SLC30A9: variants seen among roughly 807,000 people sequenced by gnomAD.
SLC30A9 encodes the protein proton-coupled zinc antiporter SLC30A9, mitochondrial.
In SLC30A9, 58 loss-of-function variants were observed where a neutral mutation model predicts 87.5. The observed-to-expected ratio is 0.66, with a 90% CI of 0.54 to 0.82. The LOEUF (loss-of-function observed/expected upper bound fraction) is 0.82, where lower values mean the gene tolerates loss of function less well. Ranked by LOEUF, SLC30A9 falls within the 40% of genes least tolerant of loss-of-function variation. SLC30A9 has a pLI of 0.00. For missense variants in SLC30A9, 557 were observed against 679.1 expected (o/e 0.82, Z 2.00); for synonymous variants, 234 against 233.0 (o/e 1.00, Z -0.04).
intron 7 of SLC30A9, among the ~76,000 whole-genome samples, chr4:42,035,611 C>T (rs1458146856): frequency 1.3e-5 from 2 of 151,852 alleles, no homozygotes; most frequent in Non-Finnish European, 2.9e-5. Context: ...AATTCTCCTG[C>T]CTCAGCCTCC....
intron 9 of SLC30A9, among the ~76,000 whole-genome samples, chr4:42,057,847 T>C (rs890475302): frequency 2.0e-5 from 3 of 152,208 alleles, no homozygotes; most frequent in Non-Finnish European, 4.4e-5. Flanking sequence ...CTCATGCCTG[T>C]AATCCCAGCA....
At position 41,994,630 on chromosome 4, in the gene SLC30A9, G is replaced by A. The variant is rs1714611951; in HGVS notation, c.109+3870G>A. Among the ~76,000 whole-genome samples, 3 of 151,658 alleles carry A rather than the reference G, an allele frequency of 2.0e-5. No homozygotes were observed. The South Asian group carries it at 6.2e-4, about 32-fold the overall frequency. On this transcript the variant is annotated intron_variant, in intron 1 of 17. Coordinates refer to ENST00000264451, the MANE Select transcript of SLC30A9 (RefSeq NM_006345.4). ...GAGAATTTAACTTTTATCCCCAGCA[G>A]AGGTCCCTCCTCCTCCTCAACCTCT...
Position 42,065,799 on chromosome 4 carries a change from C to T in SLC30A9, c.1072+450C>T, listed in dbSNP as rs138241752. ...TGATTGAACCCACCACCACTACTAT[C>T]GCTGTTACTTGCCGATTCACTAAAA... On this transcript the variant is annotated intron_variant, in intron 12 of 17. Transcript: ENST00000264451. Among the ~76,000 whole-genome samples, 495 of 152,304 alleles carry T rather than the reference C, an allele frequency of 3.3e-3. 2 individuals carry two copies. The highest frequency in any genetic ancestry group is 0.011 in the African/African-American group (471 of 41,556).
At chr4:42,019,001 A>G (rs1715830632) in intron 3 of SLC30A9, among the ~76,000 whole-genome samples, 1 of 80,536 alleles carries the variant, frequency 1.2e-5, no homozygotes. Context: ...AAAAATCTGT[A>G]TTTCCTTATA....
chr4:42,067,122 A>T lies in SLC30A9; in HGVS notation c.1182A>T (p.Leu394Phe), dbSNP rs774944123. The T allele has an allele frequency of 1.2e-6, 2 of 1,612,610 alleles. No homozygotes were observed. Among genetic ancestry groups the T allele is most frequent in the Non-Finnish European group, 8.5e-7 (1 of 1,178,858 alleles). The stretch of plus-strand genomic sequence containing the variant: ...GTGATCCTAGTACAAATGTGATATT[A>T]TTGGAGGATACTGCTGCAGTCTTGG... ...ESRDPSTNVI[L>F]LEDTAAVLGV... Residue 394 changes from leucine to phenylalanine, a missense_variant, in exon 14 of 18, where the codon TTA becomes TTT. Physicochemically the swap from Leu to Phe is conservative, Grantham distance 22. Transcript: ENST00000264451.
At chr4:41,998,035 G>T (rs1714800009) in intron 1 of SLC30A9, among the ~76,000 whole-genome samples, 1 of 151,604 alleles carries the variant, frequency 6.6e-6, no homozygotes, top group South Asian at 2.1e-4. Context: ...TTGTCAGTTT[G>T]TGTGAGAGAA....
chr4:42,041,195 T>C (rs1041361240), intron 8 of SLC30A9, among the ~76,000 whole-genome samples: 3 of 151,830 alleles, frequency 2.0e-5, no homozygotes, highest in Non-Finnish European at 4.4e-5. Context: ...TCCCAAAACA[T>C]GTGGGAATTA....
rs544066023 is a variant in SLC30A9 at position 42,034,477 on chromosome 4, A to G, written c.611-798A>G. Among the ~76,000 whole-genome samples the G allele has an allele frequency of 1.9e-4, 29 of 148,800 alleles. 1 individual carries two copies. In the South Asian group the frequency reaches 6.1e-3, roughly 31 times the overall value. Reference sequence around the variant, plus strand: ...AACCACCATTCTGCTTTTTGTTTCTATTAATTTGAATACTTTAGATACCTC... The same window carrying G: ...AACCACCATTCTGCTTTTTGTTTCTGTTAATTTGAATACTTTAGATACCTC... On this transcript the variant is annotated intron_variant, in intron 6 of 17. Transcript: ENST00000264451.
At chr4:42,018,333 T>G (rs1715806287) in intron 3 of SLC30A9, 163 bp downstream of exon 3, 1 of 873,394 alleles carries the variant, frequency 1.1e-6, no homozygotes, top group Non-Finnish European at 1.7e-6. Context: ...CTCTTACATA[T>G]AAACTAATTT....
intron 14 of SLC30A9, 28 bp downstream of exon 14, chr4:42,067,220 T>G: frequency 7.7e-7 from 1 of 1,298,078 alleles, no homozygotes; most frequent in South Asian, 1.2e-5. Context: ...TACAGGTGAT[T>G]TATTTGTCCT....
intron 11 of SLC30A9, among the ~76,000 whole-genome samples, chr4:42,063,910 T>C (rs2153139996): frequency 6.6e-6 from 1 of 152,302 alleles, no homozygotes; most frequent in South Asian, 2.1e-4. Flanking sequence ...AGAATGCCCT[T>C]TGAGCAGCTG....
chr4:42,042,976 G>A (rs981626339), intron 8 of SLC30A9, among the ~76,000 whole-genome samples: 2 of 152,194 alleles, frequency 1.3e-5, no homozygotes, highest in Admixed American at 6.5e-5. Flanking sequence ...CAGACCTGCA[G>A]CAGAGAGGCC....
intron 15 of SLC30A9, among the ~76,000 whole-genome samples, chr4:42,071,781 T>C (rs1718319615): frequency 6.6e-6 from 1 of 152,190 alleles, no homozygotes; most frequent in Non-Finnish European, 1.5e-5. Flanking sequence ...TTTGTGATGT[T>C]TTTGTCTGGT....
At chr4:42,061,164 T>A (rs976587760) in intron 10 of SLC30A9, among the ~76,000 whole-genome samples, 1 of 152,182 alleles carries the variant, frequency 6.6e-6, no homozygotes, top group Non-Finnish European at 1.5e-5. Flanking sequence ...ATAGTCTACT[T>A]TAGTGCTGCC....
In SLC30A9 at chr4:42,086,223, G is replaced by T; in HGVS notation, c.*97G>T. ...CCTCTCCTACACTGAAAGACTCAGT[G>T]CCATGCAGAAGCCTTTTTTTTAAGA... On this transcript the variant is annotated 3_prime_UTR_variant, in exon 18 of 18. Coordinates refer to ENST00000264451, the MANE Select transcript of SLC30A9 (RefSeq NM_006345.4). 1.5e-6 allele frequency: 1 copy of T among 658,390 alleles called. No individual in the cohort carries two copies. The highest frequency in any genetic ancestry group is 2.8e-5 in the Admixed American group (1 of 35,774). 40.8% of individuals were successfully genotyped at this position (658,390 alleles called of 1,614,324 possible). A position where few individuals can be genotyped will look rare whatever the true frequency, so the allele number is the denominator to read the frequency against.
chr4:42,028,957 A>G (rs1716303511), intron 6 of SLC30A9, among the ~76,000 whole-genome samples: 1 of 152,282 alleles, frequency 6.6e-6, no homozygotes, highest in Non-Finnish European at 1.5e-5. Context: ...GTGCTTAAAT[A>G]CAAAACTTAC....
At chr4:41,999,968 A>T (rs1714906765) in intron 1 of SLC30A9, among the ~76,000 whole-genome samples, 1 of 152,126 alleles carries the variant, frequency 6.6e-6, no homozygotes, top group Non-Finnish European at 1.5e-5. Flanking sequence ...ATATTGGTGC[A>T]GGTAGAGATG....
intron 6 of SLC30A9, among the ~76,000 whole-genome samples, chr4:42,032,937 T>C (rs1716508675): frequency 6.6e-6 from 1 of 152,198 alleles, no homozygotes; most frequent in South Asian, 2.1e-4. Flanking sequence ...ATTTATTCTA[T>C]GTCTCTACAC....
chr4:42,059,835 G>A (rs886730618), intron 9 of SLC30A9, among the ~76,000 whole-genome samples: 1 of 151,968 alleles, frequency 6.6e-6, no homozygotes, highest in African/African-American at 2.4e-5. Context: ...CCACTTAATG[G>A]TATGTCTAGG....
Sources: allele counts gnomAD v4.1 joint callset (sites outside exome capture counted in the v4.1 genomes callset), GRCh38; gene constraint gnomAD v4.1.1; transcripts MANE v1.5; gene names NCBI Gene and HGNC (gene_info 2026-07-23, HGNC 2026-07-21).